The following CACNA1D variants were observed in gnomAD, a reference collection of about 807,000 sequenced individuals.
CACNA1D encodes the protein calcium voltage-gated channel subunit alpha1 D, also known as voltage-dependent L-type calcium channel subunit alpha-1D.
A neutral mutation model predicts 257.1 loss-of-function variants in CACNA1D; 55 were observed. The observed-to-expected ratio is 0.21, with a 90% CI of 0.17 to 0.27. The LOEUF (loss-of-function observed/expected upper bound fraction) is 0.27. CACNA1D is among the 10% of genes least tolerant of loss of function. The probability of loss-of-function intolerance (pLI) is 1.00; values close to 1 mark genes in which losing one functional copy is unlikely to be tolerated. For synonymous variants in CACNA1D, 980 were observed against 1,014.9 expected, an observed-to-expected ratio of 0.97 and a Z score of 0.65; for missense variants, 1,876 against 2,784.0, an observed-to-expected ratio of 0.67 and a Z score of 7.34.
intron 3 of CACNA1D, among the ~76,000 whole-genome samples, chr3:53,570,386 G>T (rs79794896): frequency 0.052 from 7,945 of 152,220 alleles, 676 homozygotes; most frequent in African/African-American, 0.18. Context: ...TGAATACTTG[G>T]TTACTTGTTT....
intron 15 of CACNA1D, among the ~76,000 whole-genome samples, chr3:53,729,908 C>T (rs543463457): frequency 2.0e-5 from 3 of 152,286 alleles, no homozygotes; most frequent in African/African-American, 7.2e-5. Flanking sequence ...TATCTGTAGA[C>T]TCTGAAGGTT....
At chr3:53,764,416 G>A (rs3774570) in intron 30 of CACNA1D, among the ~76,000 whole-genome samples, 42,183 of 152,224 alleles carry the variant, frequency 0.28, 6,596 homozygotes, top group Non-Finnish European at 0.36. Context: ...TAATGGAAGC[G>A]AAAATACAAT....
chr3:53,498,375 C>T (rs1053141294), intron 2 of CACNA1D, among the ~76,000 whole-genome samples: 1 of 152,190 alleles, frequency 6.6e-6, no homozygotes, highest in Non-Finnish European at 1.5e-5. Context: ...CCTGCTTAAC[C>T]CCTTCCCTAA....
At chr3:53,618,585 A>T (rs986738223) in intron 3 of CACNA1D, among the ~76,000 whole-genome samples, 1 of 151,816 alleles carries the variant, frequency 6.6e-6, no homozygotes, top group Non-Finnish European at 1.5e-5. Flanking sequence ...GCCAGAACCC[A>T]CCCGCTTCTG....
chr3:53,657,368 C>T (rs959873411), intron 4 of CACNA1D, among the ~76,000 whole-genome samples: 3 of 151,876 alleles, frequency 2.0e-5, no homozygotes, highest in South Asian at 2.1e-4. Context: ...TCACTGGATA[C>T]TCAAGGCTGA....
chr3:53,656,027 G>A (rs527567426), intron 4 of CACNA1D, among the ~76,000 whole-genome samples: 1 of 152,110 alleles, frequency 6.6e-6, no homozygotes, highest in African/African-American at 2.4e-5. Flanking sequence ...ATGGTTTATT[G>A]AATAGGGAGT....
intron 3 of CACNA1D, among the ~76,000 whole-genome samples, chr3:53,576,898 C>T (rs1342840565): frequency 1.3e-5 from 2 of 152,192 alleles, no homozygotes; most frequent in African/African-American, 4.8e-5. Flanking sequence ...ATTTTTGGCT[C>T]TTTGTAAGGG....
intron 3 of CACNA1D, among the ~76,000 whole-genome samples, chr3:53,582,446 A>G (rs1196048291): frequency 1.3e-5 from 2 of 152,066 alleles, no homozygotes; most frequent in East Asian, 3.9e-4. Context: ...GGCCTTTGTC[A>G]TGGTTATTGG....
chr3:53,526,822 A>G (rs940917268), intron 3 of CACNA1D, among the ~76,000 whole-genome samples: 1 of 152,236 alleles, frequency 6.6e-6, no homozygotes, highest in African/African-American at 2.4e-5. Context: ...AAGGCATGGC[A>G]CCTGGAACAT....
intron 4 of CACNA1D, among the ~76,000 whole-genome samples, chr3:53,655,748 T>G (rs945784524): frequency 6.6e-6 from 1 of 152,068 alleles, no homozygotes; most frequent in African/African-American, 2.4e-5. Flanking sequence ...CTTTTTACCC[T>G]GTTTCTTTTG....
At chr3:53,538,825 A>T (rs1233912137) in intron 3 of CACNA1D, among the ~76,000 whole-genome samples, 1 of 152,228 alleles carries the variant, frequency 6.6e-6, no homozygotes, top group East Asian at 1.9e-4. Flanking sequence ...AGAGGTACAT[A>T]TCCATAAACA....
At position 53,794,700 on chromosome 3, in the gene CACNA1D, CAAG is replaced by C. The variant is rs145336744; in HGVS notation, c.4924-5546_4924-5544del. ...AATTAAAACGGAGCAGTTTTTAAAACAAGAACATGCAAGCACAAAGACGCCAGG... is the reference window on the plus strand; with the variant it reads ...AATTAAAACGGAGCAGTTTTTAAAACAACATGCAAGCACAAAGACGCCAGG... On this transcript the variant is annotated intron_variant, in intron 40 of 47. Coordinates refer to ENST00000350061, the MANE Select transcript of CACNA1D (RefSeq NM_001128840.3). Among the ~76,000 whole-genome samples, 231 of 152,292 alleles carry C rather than the reference CAAG, an allele frequency of 1.5e-3. 1 individual carries two copies. The highest frequency in any genetic ancestry group is 5.3e-3 in the African/African-American group (221 of 41,566).
At chr3:53,713,408 G>A (rs2094781618) in intron 9 of CACNA1D, among the ~76,000 whole-genome samples, 3 of 152,000 alleles carry the variant, frequency 2.0e-5, no homozygotes, top group Non-Finnish European at 4.4e-5. Flanking sequence ...ATCACTGAAG[G>A]TTGATCTGAG....
At position 53,811,028 on chromosome 3, in the gene CACNA1D, G is replaced by A; in HGVS notation, c.6193-85G>A. On this transcript the variant is annotated intron_variant, in intron 47 of 47. Coordinates refer to ENST00000350061, the MANE Select transcript of CACNA1D (RefSeq NM_001128840.3). The surrounding 1 kb of genome is among the most constrained non-coding windows in gnomAD (Gnocchi z 4.2). ...CAAAGCACACGGTGCAGTTAAGTTA[G>A]CACTGGAGTTGATTTTTCTGTCGTC... 1.0e-6 allele frequency: 1 copy of A among 1,000,092 alleles called. No individual in the cohort carries two copies. Among genetic ancestry groups the A allele is most frequent in the Non-Finnish European group, 1.6e-6 (1 of 620,700 alleles). The allele number at this position is 1,000,092 out of a possible 1,614,324, so 62.0% of individuals were successfully genotyped here.
chr3:53,700,802 AGT>A (rs1485144474), intron 8 of CACNA1D, among the ~76,000 whole-genome samples: 5 of 151,786 alleles, frequency 3.3e-5, no homozygotes, highest in Non-Finnish European at 5.9e-5. Context: ...GAGTCTGGAA[AGT>A]GGGGTGATTT....
chr3:53,787,942 A>G (rs2095464544), intron 40 of CACNA1D, among the ~76,000 whole-genome samples: 1 of 152,156 alleles, frequency 6.6e-6, no homozygotes. Context: ...CCACAATTTT[A>G]TGCCCCTGTT....
intron 3 of CACNA1D, among the ~76,000 whole-genome samples, chr3:53,523,493 T>G (rs2091653973): frequency 6.6e-6 from 1 of 152,220 alleles, no homozygotes; most frequent in African/African-American, 2.4e-5. Context: ...TCATAGCAAA[T>G]TCACAGTGGC....
At position 53,620,179 on chromosome 3, in the gene CACNA1D, C is replaced by T. The variant is rs541779503; in HGVS notation, c.484-30600C>T. ...AGAGCCAGGACAGGTGTCTAGTGAG[C>T]GGCCTTTCCATGGGCAGTGTGTATG... On this transcript the variant is annotated intron_variant, in intron 3 of 47. Coordinates refer to ENST00000350061, the MANE Select transcript of CACNA1D (RefSeq NM_001128840.3). Among the ~76,000 whole-genome samples the T allele has an allele frequency of 3.6e-4, 55 of 152,256 alleles. No homozygotes were observed. The South Asian group carries it at 1.0e-2, about 28-fold the overall frequency.
rs532619384 is a variant in CACNA1D at position 53,717,271 on chromosome 3, A to G, written c.1391-1030A>G. 1.3e-3 allele frequency among the ~76,000 whole-genome samples: 194 copies of G among 152,356 alleles called. 3 individuals carry two copies. In the South Asian group the frequency reaches 0.038, roughly 30 times the overall value. ...TTCTTTACTCTGGAACCTCCTGCAC[A>G]GACCCCTGAGGTAGCTCTCTTCACA... On this transcript the variant is annotated intron_variant, in intron 9 of 47. Coordinates refer to ENST00000350061, the MANE Select transcript of CACNA1D (RefSeq NM_001128840.3).
Sources: gnomAD v4.1 joint callset for allele counts (sites outside exome capture counted in the v4.1 genomes callset) on GRCh38, gnomAD v4.1.1 for gene constraint, Gnocchi (gnomAD v3.1) non-coding constraint, MANE v1.5 for transcripts, NCBI Gene and HGNC (gene_info 2026-07-23, HGNC 2026-07-21) for gene names.